The following TMEM184C variants were observed in gnomAD, a reference collection of about 807,000 sequenced individuals.
TMEM184C encodes the protein transmembrane protein 34.
A neutral mutation model predicts 54.5 loss-of-function variants in TMEM184C; 25 were observed. The observed-to-expected ratio is 0.46, with a 90% CI of 0.33 to 0.64. The LOEUF is 0.64. Ranked by LOEUF, TMEM184C falls within the 30% of genes least tolerant of loss-of-function variation. The pLI, the probability that TMEM184C is intolerant of heterozygous loss-of-function variation, is 0.02. For missense variants in TMEM184C, 335 were observed against 520.3 expected, an observed-to-expected ratio of 0.64 and a Z score of 3.46; for synonymous variants, 148 against 181.5, an observed-to-expected ratio of 0.82 and a Z score of 1.49.
Position 147,617,771 on chromosome 4 carries a change from TGCAGAAGCAGCAGCA to T in TMEM184C, c.-178_-164del. ...CAATAGCACCCTGAGAGGCTACATT[TGCAGAAGCAGCAGCA>T]GCAGAAGACACAGCGCCGGTCCAGG... is the stretch of plus-strand genomic sequence containing the variant. On this transcript the variant is annotated 5_prime_UTR_variant, in exon 1 of 10. Transcript: ENST00000296582. 1 of 718,358 alleles carries T rather than the reference TGCAGAAGCAGCAGCA, an allele frequency of 1.4e-6. No individual in the cohort carries two copies. The highest frequency in any genetic ancestry group is 2.4e-6 in the Non-Finnish European group (1 of 423,476). 44.5% of individuals were successfully genotyped at this position (718,358 alleles called of 1,614,324 possible).
chr4:147,632,825 T>A, intron 7 of TMEM184C, 78 bp from the exon 8 acceptor site: 1 of 1,365,282 alleles, frequency 7.3e-7, no homozygotes, highest in Non-Finnish European at 1.0e-6. Flanking sequence ...TGGATTTTTT[T>A]TTAATGGCAC....
chr4:147,632,026 CA>C (rs1732925208), intron 7 of TMEM184C, among the ~76,000 whole-genome samples: 1 of 151,854 alleles, frequency 6.6e-6, no homozygotes, highest in South Asian at 2.1e-4. Context: ...ATACAAAAAT[CA>C]GCCAGGCATG....
chr4:147,634,138 C>T, intron 9 of TMEM184C, 31 bp from the exon 10 acceptor site: 1 of 1,590,978 alleles, frequency 6.3e-7, no homozygotes, highest in Non-Finnish European at 8.5e-7. Flanking sequence ...GTAAAAATAA[C>T]TTTTGACTAA....
In TMEM184C at chr4:147,618,158, T is replaced by C. The variant is rs1311361147; in HGVS notation, c.123+79T>C. ...TGGGAAAGAGACACCCTTACCCCAT[T>C]TCTGCCCTGACAGTCCTGAAAACCA... On this transcript the variant is annotated intron_variant, in intron 1 of 9. Transcript: ENST00000296582. 1.9e-6 allele frequency: 3 copies of C among 1,591,306 alleles called. No homozygotes were observed. The Admixed American group carries it at 5.0e-5, about 27-fold the overall frequency.
At chr4:147,628,477 G>A (rs772217481) in intron 5 of TMEM184C, 42 bp downstream of exon 5, 1 of 1,493,184 alleles carries the variant, frequency 6.7e-7, no homozygotes, top group Admixed American at 1.7e-5. Flanking sequence ...TTTCATCCTT[G>A]TGATCTTATG....
intron 5 of TMEM184C, among the ~76,000 whole-genome samples, chr4:147,628,680 CTT>C (rs1235598783): frequency 6.6e-6 from 1 of 151,806 alleles, no homozygotes; most frequent in Non-Finnish European, 1.5e-5. Flanking sequence ...CCGTAAAGCA[CTT>C]TGAAAAAAAA....
chr4:147,625,911 G>A (rs72491778), intron 4 of TMEM184C, among the ~76,000 whole-genome samples: 5,216 of 152,232 alleles, frequency 0.034, 222 homozygotes, highest in East Asian at 0.22. Flanking sequence ...CTAGGCATTC[G>A]GGGAGCAGAG....
intron 7 of TMEM184C, among the ~76,000 whole-genome samples, chr4:147,632,135 T>C (rs902938704): frequency 7.0e-6 from 1 of 143,584 alleles, no homozygotes; most frequent in Admixed American, 7.2e-5. Context: ...ATCATGCCAC[T>C]GCACTCCAGC....
At position 147,633,824 on chromosome 4, in the gene TMEM184C, A is replaced by T; in HGVS notation, c.939A>T (p.Ser313=). The change falls in exon 9 of 10, where the codon TCA becomes TCT. Residue 313 remains serine (S), a synonymous_variant. Coordinates refer to ENST00000296582, the MANE Select transcript of TMEM184C (RefSeq NM_018241.3). ...LAAIAHHYTF[S]YKPYVQEAEE... ...CCATTGCTCATCATTACACATTCTCATATAAACCATATGTCCAAGAAGCAG... is the reference window on the plus strand; with the variant it reads ...CCATTGCTCATCATTACACATTCTCTTATAAACCATATGTCCAAGAAGCAG... The T allele has an allele frequency of 6.2e-7, 1 of 1,613,550 alleles. No individual in the cohort carries two copies. The highest frequency in any genetic ancestry group is 8.5e-7 in the Non-Finnish European group (1 of 1,179,754).
rs1161030216 is a variant in TMEM184C, at chr4:147,634,994, T to A, written c.*560T>A. Reference sequence around the variant, plus strand: ...ACCTCGGCCTCCCAAAGTGCTGGAATTACAGGCGTGAGCCACTGCGCCTGG... The same window carrying A: ...ACCTCGGCCTCCCAAAGTGCTGGAAATACAGGCGTGAGCCACTGCGCCTGG... On this transcript the variant is annotated 3_prime_UTR_variant, in exon 10 of 10. Transcript: ENST00000296582. The A allele has an allele frequency of 6.6e-6, 1 of 152,494 alleles. No individual in the cohort carries two copies. Among genetic ancestry groups the A allele is most frequent in the Non-Finnish European group, 1.5e-5 (1 of 68,352 alleles). 9.4% of individuals were successfully genotyped at this position (152,494 alleles called of 1,614,324 possible). A position where few individuals can be genotyped will look rare whatever the true frequency, so the allele number is the denominator to read the frequency against.
chr4:147,624,950 C>T lies in TMEM184C; in HGVS notation c.438C>T (p.Ala146=), dbSNP rs756388378. Residue 146 remains alanine, a synonymous_variant, in exon 4 of 10, where the codon GCC becomes GCT. Transcript: ENST00000296582. ...CAAATCTGGTATTAATCCTTGAAGC[C>T]AAAGATCAACAGAAACATTTCCCTC... ...RYPNLVLILE[A]KDQQKHFPPL... is the part of the protein sequence containing the mutation. 1.7e-5 allele frequency: 28 copies of T among 1,613,764 alleles called. No individual in the cohort carries two copies. Among genetic ancestry groups the T allele is most frequent in the South Asian group, 6.6e-5 (6 of 91,078 alleles).
intron 4 of TMEM184C, 142 bp downstream of exon 4, chr4:147,625,151 A>G (rs991473197): frequency 1.3e-6 from 1 of 747,478 alleles, no homozygotes; most frequent in Non-Finnish European, 2.1e-6. Flanking sequence ...GATGCAGTTC[A>G]TAGTTGTTTG....
chr4:147,633,151 CA>C (rs1307677426), intron 8 of TMEM184C, 149 bp downstream of exon 8: 2 of 581,546 alleles, frequency 3.4e-6, no homozygotes, highest in Non-Finnish European at 5.9e-6. Context: ...AGAAATTGGC[CA>C]TAATTACTAA....
rs565459811 is a variant in TMEM184C at position 147,635,842 on chromosome 4, A to T, written c.*1408A>T. 6.6e-6 allele frequency: 1 copy of T among 152,290 alleles called. No individual in the cohort carries two copies. The highest frequency in any genetic ancestry group is 6.5e-5 in the Admixed American group (1 of 15,294). The allele number at this position is 152,290 out of a possible 1,614,324, so 9.4% of individuals were successfully genotyped here. A position where few individuals can be genotyped will look rare whatever the true frequency, so the allele number is the denominator to read the frequency against. ...AAAAAGCATTAGCATTTTTATACAT[A>T]AATAATGAAAATAATGACCTAACTG... is the stretch of plus-strand genomic sequence containing the variant. On this transcript the variant is annotated 3_prime_UTR_variant, in exon 10 of 10. Coordinates refer to ENST00000296582, the MANE Select transcript of TMEM184C (RefSeq NM_018241.3).
chr4:147,626,939 G>T (rs2126551055), intron 4 of TMEM184C, among the ~76,000 whole-genome samples: 1 of 152,278 alleles, frequency 6.6e-6, no homozygotes, highest in South Asian at 2.1e-4. Flanking sequence ...ATGTTGAGGG[G>T]GTCAGCGAAT....
At chr4:147,631,083 G>A (rs890364148) in intron 6 of TMEM184C, among the ~76,000 whole-genome samples, 6 of 152,042 alleles carry the variant, frequency 3.9e-5, no homozygotes, top group South Asian at 2.1e-4. Flanking sequence ...TTTAAAAGCC[G>A]TTACAGATGG....
Position 147,634,534 on chromosome 4 carries a change from C to A in TMEM184C, c.*100C>A. The A allele has an allele frequency of 1.4e-6, 2 of 1,383,928 alleles. No individual in the cohort carries two copies. The highest frequency in any genetic ancestry group is 2.4e-5 in the East Asian group (1 of 42,462). 85.7% of individuals were successfully genotyped at this position (1,383,928 alleles called of 1,614,324 possible). A position where few individuals can be genotyped will look rare whatever the true frequency, so the allele number is the denominator to read the frequency against. ...ACAGACCATAAATGATGGAAAATGTCAACACAAAAATAGCTGAAAGCCAGG... is the reference window on the plus strand; with the variant it reads ...ACAGACCATAAATGATGGAAAATGTAAACACAAAAATAGCTGAAAGCCAGG... On this transcript the variant is annotated 3_prime_UTR_variant, in exon 10 of 10. Coordinates refer to ENST00000296582, the MANE Select transcript of TMEM184C (RefSeq NM_018241.3).
intron 1 of TMEM184C, among the ~76,000 whole-genome samples, chr4:147,619,706 TA>T (rs2126546290): frequency 6.6e-6 from 1 of 152,358 alleles, no homozygotes; most frequent in South Asian, 2.1e-4. Flanking sequence ...CAGTCCAGTT[TA>T]AGACTTCTCT....
intron 7 of TMEM184C, among the ~76,000 whole-genome samples, chr4:147,632,171 T>TTA (rs1732928871): frequency 5.7e-5 from 1 of 17,632 alleles, no homozygotes. Context: ...AAACTCTGTC[T>TTA]CAAAAAAAAA....
Sources: allele counts gnomAD v4.1 joint callset (sites outside exome capture counted in the v4.1 genomes callset), GRCh38; gene constraint gnomAD v4.1.1; transcripts MANE v1.5; gene names NCBI Gene and HGNC (gene_info 2026-07-23, HGNC 2026-07-21).